PLXDC2: variants seen among roughly 807,000 people sequenced by gnomAD.
The protein encoded by PLXDC2 is plexin domain containing 2.
In PLXDC2, 40 loss-of-function variants were observed where a neutral mutation model predicts 68.9. The ratio of observed to expected loss-of-function variants is 0.58; its 90% CI spans 0.45 to 0.76. The LOEUF (loss-of-function observed/expected upper bound fraction) is 0.76, where lower values mean the gene tolerates loss of function less well. Among genes scored for constraint, PLXDC2 ranks in the 30% least tolerant of loss-of-function variants. PLXDC2 has a pLI of 0.00. For missense variants in PLXDC2, 644 were observed against 661.9 expected, an observed-to-expected ratio of 0.97 and a Z score of 0.30; for synonymous variants, 243 against 234.2, an observed-to-expected ratio of 1.04 and a Z score of -0.34.
chr10:20,136,078 A>AC (rs1359587145), intron 4 of PLXDC2, among the ~76,000 whole-genome samples: 1 of 152,164 alleles, frequency 6.6e-6, no homozygotes, highest in African/African-American at 2.4e-5. Flanking sequence ...CTTCCTAGGA[A>AC]CCAGAGATTA....
chr10:20,171,188 A>G (rs1415423003), intron 7 of PLXDC2, among the ~76,000 whole-genome samples: 3 of 152,068 alleles, frequency 2.0e-5, no homozygotes, highest in Admixed American at 1.3e-4. Context: ...ATTCTATAAT[A>G]TTTTCTAGAA....
intron 1 of PLXDC2, among the ~76,000 whole-genome samples, chr10:19,884,141 C>T (rs1837795711): frequency 6.6e-6 from 1 of 151,410 alleles, no homozygotes. Flanking sequence ...AAGTGATCCA[C>T]CCAACTCAGC....
intron 1 of PLXDC2, among the ~76,000 whole-genome samples, chr10:19,931,712 G>T (rs1833637307): frequency 6.6e-6 from 1 of 152,086 alleles, no homozygotes; most frequent in Admixed American, 6.5e-5. Context: ...CTGCCTTCCT[G>T]CCCCACAGGA....
At chr10:19,835,003 G>A (rs938900251) in intron 1 of PLXDC2, among the ~76,000 whole-genome samples, 1 of 152,130 alleles carries the variant, frequency 6.6e-6, no homozygotes, top group Non-Finnish European at 1.5e-5. Context: ...TGCATTTGAA[G>A]TGTGAGTGGC....
chr10:20,044,207 C>G (rs189478518), intron 2 of PLXDC2, among the ~76,000 whole-genome samples: 27 of 89,996 alleles, frequency 3.0e-4, no homozygotes, highest in Middle Eastern at 5.1e-3. Context: ...CTCTCTCTCT[C>G]TCTGTCTTTC....
intron 3 of PLXDC2, 138 bp downstream of exon 3, chr10:20,047,153 G>A: frequency 2.5e-6 from 2 of 794,648 alleles, no homozygotes; most frequent in Non-Finnish European, 3.7e-6. Context: ...CTTTTCAAGT[G>A]TATTCAGTTC....
chr10:20,137,197 G>T (rs1358868951), intron 4 of PLXDC2, among the ~76,000 whole-genome samples: 5 of 152,242 alleles, frequency 3.3e-5, no homozygotes, highest in Admixed American at 2.6e-4. Context: ...TCATAGAAAA[G>T]GCGTCAAGGG....
At chr10:20,170,615 A>G (rs930439058) in intron 7 of PLXDC2, among the ~76,000 whole-genome samples, 2 of 152,200 alleles carry the variant, frequency 1.3e-5, no homozygotes, top group Admixed American at 6.5e-5. Flanking sequence ...TAGTAATAGC[A>G]TAGACCAGTA....
At chr10:20,159,277 C>T (rs903679048) in intron 6 of PLXDC2, among the ~76,000 whole-genome samples, 2 of 152,166 alleles carry the variant, frequency 1.3e-5, no homozygotes. Flanking sequence ...CTATAACATT[C>T]CTGATGAAAA....
chr10:20,128,090 G>A lies in PLXDC2; in HGVS notation c.542-15205G>A, dbSNP rs145942957. 3.6e-3 allele frequency among the ~76,000 whole-genome samples: 550 copies of A among 152,226 alleles called. 2 individuals carry two copies. The highest frequency in any genetic ancestry group is 6.2e-3 in the Non-Finnish European group (421 of 68,006). ...AGTGGAATAACTGTCTTCTAGAAAG[G>A]CTGCCCTGCAGGGAGCATGGTCAAA... is the stretch of plus-strand genomic sequence containing the variant. On this transcript the variant is annotated intron_variant, in intron 4 of 13. Transcript: ENST00000377252.
intron 13 of PLXDC2, among the ~76,000 whole-genome samples, chr10:20,252,819 T>G (rs1326290111): frequency 1.3e-5 from 2 of 152,138 alleles, no homozygotes; most frequent in Non-Finnish European, 2.9e-5. Context: ...GAATGATTAG[T>G]TTTACAAAAG....
intron 11 of PLXDC2, 131 bp downstream of exon 11, chr10:20,217,707 C>G: frequency 8.7e-7 from 1 of 1,150,946 alleles, no homozygotes; most frequent in Admixed American, 4.4e-5. Context: ...TATTCTTTGG[C>G]AAACTGGATT....
chr10:20,012,038 A>G (rs182860187), intron 2 of PLXDC2, among the ~76,000 whole-genome samples: 116 of 152,298 alleles, frequency 7.6e-4, no homozygotes, highest in African/African-American at 2.4e-3. Flanking sequence ...ACCTTCCCCA[A>G]AAATGTCTCT....
chr10:20,086,841 T>C (rs559933146), intron 4 of PLXDC2, among the ~76,000 whole-genome samples: 1 of 152,308 alleles, frequency 6.6e-6, no homozygotes, highest in African/African-American at 2.4e-5. Flanking sequence ...AGCAATGTAA[T>C]TGCCAATCTG....
At chr10:19,903,580 C>G (rs1024789516) in intron 1 of PLXDC2, among the ~76,000 whole-genome samples, 2 of 151,724 alleles carry the variant, frequency 1.3e-5, no homozygotes, top group African/African-American at 4.8e-5. Flanking sequence ...GCTGGTTAAT[C>G]TTGCTAATGG....
intron 7 of PLXDC2, among the ~76,000 whole-genome samples, chr10:20,168,098 T>C (rs79871371): frequency 0.026 from 3,959 of 152,204 alleles, 65 homozygotes; most frequent in Non-Finnish European, 0.032. Context: ...TAAATCCTTC[T>C]GAGTTTACAA....
intron 6 of PLXDC2, among the ~76,000 whole-genome samples, chr10:20,149,016 A>G (rs1482637977): frequency 1.3e-5 from 2 of 152,066 alleles, no homozygotes; most frequent in African/African-American, 2.4e-5. Context: ...TTGTGTAAAC[A>G]GGTTATAATT....
chr10:20,130,272 G>C (rs1222604202), intron 4 of PLXDC2, among the ~76,000 whole-genome samples: 1 of 151,922 alleles, frequency 6.6e-6, no homozygotes, highest in Admixed American at 6.6e-5. Context: ...TGGTGCTATT[G>C]TATGTGAGAG....
chr10:20,071,824 T>C (rs1836320478), intron 4 of PLXDC2, among the ~76,000 whole-genome samples: 1 of 152,178 alleles, frequency 6.6e-6, no homozygotes, highest in Admixed American at 6.5e-5. Flanking sequence ...GTGATAATCT[T>C]TGGCATTGGC....
Sources: allele counts gnomAD v4.1 joint callset (sites outside exome capture counted in the v4.1 genomes callset), GRCh38; gene constraint gnomAD v4.1.1; transcripts MANE v1.5; gene names NCBI Gene and HGNC (gene_info 2026-07-23, HGNC 2026-07-21).